Variants in RBFOX1 observed in about 807,000 individuals in gnomAD.
RBFOX1 encodes the protein RNA binding protein fox-1 homolog 1.
RBFOX1 carries 8 observed loss-of-function variants against 57.7 expected under a neutral mutation model. The ratio of observed to expected loss-of-function variants is 0.14; its 90% CI spans 0.08 to 0.25. The LOEUF is 0.25. Among genes scored for constraint, RBFOX1 ranks in the 10% least tolerant of loss-of-function variants. RBFOX1 has a pLI of 1.00. For missense variants in RBFOX1, 611 were observed against 548.5 expected, an observed-to-expected ratio of 1.11 and a Z score of -1.14; for synonymous variants, 326 against 222.4, an observed-to-expected ratio of 1.47 and a Z score of -4.15.
At chr16:5,898,129 G>T (rs1476200487) in intron 4 of RBFOX1, among the ~76,000 whole-genome samples, 1 of 152,144 alleles carries the variant, frequency 6.6e-6, no homozygotes, top group Non-Finnish European at 1.5e-5. Context: ...TGGCAGGAAG[G>T]AGAAGTGTCA....
intron 4 of RBFOX1, among the ~76,000 whole-genome samples, chr16:7,234,948 C>T (rs190516159): frequency 3.9e-4 from 60 of 152,098 alleles, no homozygotes; most frequent in Middle Eastern, 3.4e-3. Context: ...TGCTTTTATG[C>T]CTGTAGCTTG....
chr16:7,432,533 A>G (rs1439411444), intron 4 of RBFOX1, among the ~76,000 whole-genome samples: 1 of 152,182 alleles, frequency 6.6e-6, no homozygotes, highest in Non-Finnish European at 1.5e-5. Flanking sequence ...CATTTTTTTT[A>G]TAAAGGACCA....
At chr16:5,716,550 A>G (rs2051707391) in intron 3 of RBFOX1, among the ~76,000 whole-genome samples, 1 of 152,258 alleles carries the variant, frequency 6.6e-6, no homozygotes, top group African/African-American at 2.4e-5. Context: ...AATAAGTCAA[A>G]CAATAACAGA....
intron 4 of RBFOX1, among the ~76,000 whole-genome samples, chr16:7,181,581 C>A (rs956480689): frequency 6.6e-6 from 1 of 151,678 alleles, no homozygotes; most frequent in Admixed American, 6.6e-5. Context: ...CTCTCTTTCT[C>A]GCTTGCTTGC....
chr16:6,496,623 C>T (rs1639157), intron 2 of RBFOX1, among the ~76,000 whole-genome samples: 39,409 of 151,972 alleles, frequency 0.26, 5,878 homozygotes, highest in East Asian at 0.43. Context: ...TTGCCCCAAG[C>T]GAAGACACCA....
chr16:6,126,029 C>T (rs973783985), intron 1 of RBFOX1, among the ~76,000 whole-genome samples: 1 of 152,188 alleles, frequency 6.6e-6, no homozygotes, highest in African/African-American at 2.4e-5. Context: ...ACAACTTTAA[C>T]TTCATCCTTT....
chr16:5,452,422 T>A (rs1031099358), intron 1 of RBFOX1, among the ~76,000 whole-genome samples: 1 of 152,114 alleles, frequency 6.6e-6, no homozygotes, highest in Non-Finnish European at 1.5e-5. Context: ...TTCATCCCTC[T>A]ATTCTGCCTC....
chr16:7,548,870 T>TTCATTATGAATGACATAG (rs1429845742), intron 5 of RBFOX1, among the ~76,000 whole-genome samples: 2 of 152,198 alleles, frequency 1.3e-5, no homozygotes, highest in Non-Finnish European at 2.9e-5. Flanking sequence ...AGGGACCCAC[T>TTCATTATGAATGACATAG]TCATTATGAA....
intron 14 of RBFOX1, among the ~76,000 whole-genome samples, chr16:7,698,792 A>T (rs1327464495): frequency 6.6e-6 from 1 of 152,176 alleles, no homozygotes; most frequent in South Asian, 2.1e-4. Context: ...AAAGGAACTT[A>T]GGAAACATAC....
intron 2 of RBFOX1, among the ~76,000 whole-genome samples, chr16:6,535,743 C>G (rs1310697068): frequency 1.3e-5 from 2 of 152,208 alleles, no homozygotes; most frequent in Non-Finnish European, 2.9e-5. Context: ...AAGCCTCTTT[C>G]ATCTTTCTCT....
At chr16:7,428,018 C>T (rs975826844) in intron 4 of RBFOX1, among the ~76,000 whole-genome samples, 1 of 152,138 alleles carries the variant, frequency 6.6e-6, no homozygotes, top group Non-Finnish European at 1.5e-5. Context: ...TTTCTCCCTC[C>T]TATTTGCTCA....
intron 3 of RBFOX1, among the ~76,000 whole-genome samples, chr16:6,911,589 C>T (rs1440519270): frequency 4.6e-5 from 7 of 152,154 alleles, no homozygotes; most frequent in East Asian, 1.9e-4. Flanking sequence ...AATTTTGTTA[C>T]CTCTGTAAAG....
chr16:6,733,983 T>C (rs898570457), intron 3 of RBFOX1, among the ~76,000 whole-genome samples: 3 of 152,198 alleles, frequency 2.0e-5, no homozygotes, highest in Non-Finnish European at 4.4e-5. Flanking sequence ...ACAAAGTTTA[T>C]AGGACACAGT....
intron 2 of RBFOX1, among the ~76,000 whole-genome samples, chr16:5,566,260 G>A (rs1378175367): frequency 1.3e-5 from 2 of 152,088 alleles, no homozygotes; most frequent in African/African-American, 4.8e-5. Context: ...TTCTGCTGAG[G>A]GTTCATGTAT....
At chr16:6,549,319 G>A (rs2096943319) in intron 2 of RBFOX1, among the ~76,000 whole-genome samples, 1 of 14,228 alleles carries the variant, frequency 7.0e-5, no homozygotes, top group East Asian at 1.6e-3. Context: ...AAGGAGGAGG[G>A]GAGGAGGGAG....
chr16:6,311,940 T>G (rs1344954740), intron 1 of RBFOX1, among the ~76,000 whole-genome samples: 2 of 152,150 alleles, frequency 1.3e-5, no homozygotes, highest in Non-Finnish European at 2.9e-5. Context: ...TGATTTGGCT[T>G]CAGGGTCCTT....
chr16:7,709,875 C>T, intron 15 of RBFOX1: 1 of 1,125,956 alleles, frequency 8.9e-7, no homozygotes. Context: ...AGAGCATATG[C>T]AATCATTACA....
rs971750038 is a variant in RBFOX1, at chr16:7,712,990, G to A, written c.*2245G>A. ...GTTTTAATAAAATCATTTAGAGTGAGTGAGTGCCAACCGATGTTGCAGAAT... is the reference window on the plus strand; with the variant it reads ...GTTTTAATAAAATCATTTAGAGTGAATGAGTGCCAACCGATGTTGCAGAAT... On this transcript the variant is annotated 3_prime_UTR_variant, in exon 16 of 16. Coordinates refer to ENST00000550418, the MANE Select transcript of RBFOX1 (RefSeq NM_018723.4). 6.6e-6 allele frequency: 1 copy of A among 152,200 alleles called. No homozygotes were observed. Among genetic ancestry groups the A allele is most frequent in the African/African-American group, 2.4e-5 (1 of 41,452 alleles). The allele number at this position is 152,200 out of a possible 1,614,324, so 9.4% of individuals were successfully genotyped here. A position where few individuals can be genotyped will look rare whatever the true frequency, so the allele number is the denominator to read the frequency against.
chr16:6,588,673 C>G (rs547845725), intron 2 of RBFOX1, among the ~76,000 whole-genome samples: 22 of 152,128 alleles, frequency 1.4e-4, no homozygotes, highest in African/African-American at 5.3e-4. Flanking sequence ...ATGAGAAATG[C>G]ACCTTCCTCC....
Sources: gnomAD v4.1 joint callset for allele counts (sites outside exome capture counted in the v4.1 genomes callset) on GRCh38, gnomAD v4.1.1 for gene constraint, MANE v1.5 for transcripts, NCBI Gene and HGNC (gene_info 2026-07-23, HGNC 2026-07-21) for gene names.